The following SDHAF3 variants were observed in gnomAD, a reference collection of about 807,000 sequenced individuals.
SDHAF3 encodes succinate dehydrogenase complex assembly factor 3.
A neutral mutation model predicts 11.5 loss-of-function variants in SDHAF3; 18 were observed. That is an observed-to-expected ratio of 1.56 (90% CI 1.08 to 2.32). The LOEUF (loss-of-function observed/expected upper bound fraction) is 2.32, where lower values mean the gene tolerates loss of function less well. SDHAF3 is among the 30% of genes most tolerant of loss of function. The pLI is 0.00. For missense variants in SDHAF3, 200 were observed against 154.4 expected (o/e 1.30, Z -1.57); for synonymous variants, 72 against 59.3 (o/e 1.21, Z -0.99).
At chr7:97,163,553 G>A (rs566559042) in intron 1 of SDHAF3, among the ~76,000 whole-genome samples, 3 of 152,284 alleles carry the variant, frequency 2.0e-5, no homozygotes, top group South Asian at 2.1e-4. Context: ...GTCCTTGCAC[G>A]TGAGATGGAT....
intron 1 of SDHAF3, among the ~76,000 whole-genome samples, chr7:97,132,394 C>A (rs1331388689): frequency 2.0e-5 from 3 of 151,826 alleles, no homozygotes; most frequent in Non-Finnish European, 4.4e-5. Flanking sequence ...TTTTACGTAA[C>A]CGTTAGAAAA....
intron 1 of SDHAF3, among the ~76,000 whole-genome samples, chr7:97,178,090 A>G (rs1789711854): frequency 6.6e-6 from 1 of 152,060 alleles, no homozygotes; most frequent in Non-Finnish European, 1.5e-5. Context: ...AGCCCTTAGT[A>G]TTATCTATTC....
chr7:97,146,962 T>C (rs1584220665), intron 1 of SDHAF3, among the ~76,000 whole-genome samples: 3 of 152,112 alleles, frequency 2.0e-5, no homozygotes, highest in Middle Eastern at 3.4e-3. Context: ...AGGATAGTCT[T>C]GATCTCCTGA....
intron 1 of SDHAF3, among the ~76,000 whole-genome samples, chr7:97,138,769 A>C (rs1195079396): frequency 6.6e-6 from 1 of 152,204 alleles, no homozygotes; most frequent in Non-Finnish European, 1.5e-5. Context: ...CAAATGTTAG[A>C]TATTTTAGCT....
chr7:97,162,543 C>G lies in SDHAF3; in HGVS notation c.175-18469C>G, dbSNP rs187930155. On this transcript the variant is annotated intron_variant, in intron 1 of 1. Coordinates refer to ENST00000432641, the MANE Select transcript of SDHAF3 (RefSeq NM_020186.3). ...TGGGCATTTAGTGCCATAAATTTCC[C>G]TCTACACACTGCTTTAAATGTGTCC... Among the ~76,000 whole-genome samples the G allele has an allele frequency of 6.8e-4, 104 of 152,230 alleles. 1 individual carries two copies. The East Asian group carries it at 0.016, about 24-fold the overall frequency.
intron 1 of SDHAF3, among the ~76,000 whole-genome samples, chr7:97,168,391 G>C (rs547902591): frequency 6.6e-6 from 1 of 152,264 alleles, no homozygotes; most frequent in East Asian, 1.9e-4. Flanking sequence ...CTAGTTCCCA[G>C]GCAAGAAGGG....
At chr7:97,119,890 G>A (rs1275518554) in intron 1 of SDHAF3, among the ~76,000 whole-genome samples, 3 of 152,060 alleles carry the variant, frequency 2.0e-5, no homozygotes, top group African/African-American at 7.2e-5. Flanking sequence ...ATACCACATG[G>A]GCAAAGTGTT....
chr7:97,118,402 G>C (rs1247487558), intron 1 of SDHAF3, among the ~76,000 whole-genome samples: 1 of 152,228 alleles, frequency 6.6e-6, no homozygotes, highest in Non-Finnish European at 1.5e-5. Flanking sequence ...CAAAAGGTTG[G>C]AGATTACAAA....
In SDHAF3 at chr7:97,181,166, A is replaced by T. The variant is rs1350357971; in HGVS notation, c.329A>T (p.Lys110Ile). The change falls in exon 2 of 2, where the codon AAA becomes ATA. Residue 110 changes from lysine to isoleucine, a missense_variant. Physicochemically the swap from Lys to Ile is moderately radical, Grantham distance 102 (BLOSUM62 -3). Transcript: ENST00000432641. ...CAGGAGCTGATGCAAGAAGCCACAA[A>T]ACCCAATAGGCAATTTAGTATTTCT... ...QLQELMQEAT[K>I]PNRQFSISES... is the part of the protein sequence containing the mutation. 1 of 1,614,040 alleles carries T rather than the reference A, an allele frequency of 6.2e-7. No individual in the cohort carries two copies. Among genetic ancestry groups the T allele is most frequent in the African/African-American group, 1.3e-5 (1 of 75,052 alleles).
At chr7:97,136,513 A>C (rs930038725) in intron 1 of SDHAF3, 22 of 593,798 alleles carry the variant, frequency 3.7e-5, no homozygotes, top group Non-Finnish European at 5.8e-5. Context: ...TTTTTTTAAC[A>C]AAATGCTATC....
At chr7:97,140,806 G>T (rs1789022478) in intron 1 of SDHAF3, among the ~76,000 whole-genome samples, 2 of 152,306 alleles carry the variant, frequency 1.3e-5, no homozygotes, top group Middle Eastern at 3.4e-3. Context: ...TGTTTGTAGA[G>T]CATGTGTGTT....
At chr7:97,176,742 T>C (rs1372529593) in intron 1 of SDHAF3, among the ~76,000 whole-genome samples, 1 of 152,178 alleles carries the variant, frequency 6.6e-6, no homozygotes, top group Non-Finnish European at 1.5e-5. Context: ...GTATTTCTAC[T>C]TTCCATAAGA....
At chr7:97,146,054 A>T (rs984259679) in intron 1 of SDHAF3, among the ~76,000 whole-genome samples, 14 of 152,164 alleles carry the variant, frequency 9.2e-5, no homozygotes, top group African/African-American at 2.7e-4. Context: ...TATATCATTG[A>T]TGACCTGGAA....
At chr7:97,122,177 A>G (rs1791511828) in intron 1 of SDHAF3, among the ~76,000 whole-genome samples, 1 of 152,148 alleles carries the variant, frequency 6.6e-6, no homozygotes, top group African/African-American at 2.4e-5. Context: ...ACTTTTTTCC[A>G]GGAACTGCAG....
At chr7:97,140,644 T>C (rs1342243149) in intron 1 of SDHAF3, among the ~76,000 whole-genome samples, 1 of 152,176 alleles carries the variant, frequency 6.6e-6, no homozygotes, top group Non-Finnish European at 1.5e-5. Flanking sequence ...GAACATAAAT[T>C]GTGAAGATTT....
intron 1 of SDHAF3, among the ~76,000 whole-genome samples, chr7:97,128,905 C>T (rs1467379101): frequency 1.3e-5 from 2 of 151,924 alleles, no homozygotes; most frequent in South Asian, 4.2e-4. Flanking sequence ...GGATCTTGCT[C>T]TGTTGCCCAG....
At chr7:97,134,412 G>A (rs923740539) in intron 1 of SDHAF3, among the ~76,000 whole-genome samples, 4 of 152,202 alleles carry the variant, frequency 2.6e-5, no homozygotes, top group African/African-American at 7.2e-5. Context: ...ATCATTAAAT[G>A]CTTTTATAAG....
At chr7:97,132,886 T>G (rs1167890222) in intron 1 of SDHAF3, among the ~76,000 whole-genome samples, 2 of 152,200 alleles carry the variant, frequency 1.3e-5, no homozygotes, top group African/African-American at 4.8e-5. Context: ...GAGTTGGACT[T>G]TACCAACATA....
At chr7:97,170,078 G>GGT (rs1789583125) in intron 1 of SDHAF3, among the ~76,000 whole-genome samples, 1 of 151,062 alleles carries the variant, frequency 6.6e-6, no homozygotes, top group South Asian at 2.1e-4. Context: ...AAGTGAGTAA[G>GGT]GTAAGGAGTT....
Sources: allele counts gnomAD v4.1 joint callset (sites outside exome capture counted in the v4.1 genomes callset), GRCh38; gene constraint gnomAD v4.1.1; transcripts MANE v1.5; gene names NCBI Gene and HGNC (gene_info 2026-07-23, HGNC 2026-07-21).